Variants in BCAS3 observed in about 807,000 individuals in gnomAD.
BCAS3 encodes BCAS3 microtubule associated cell migration factor.
BCAS3 carries 53 observed loss-of-function variants against 116.1 expected under a neutral mutation model. That is an observed-to-expected ratio of 0.46 (90% CI 0.37 to 0.57). BCAS3 has a LOEUF of 0.57. Among genes scored for constraint, BCAS3 ranks in the 20% least tolerant of loss-of-function variants. BCAS3 has a pLI of 0.00. For synonymous variants in BCAS3, 391 were observed against 408.2 expected (o/e 0.96, Z 0.51); for missense variants, 917 against 1,165.4 (o/e 0.79, Z 3.10).
intron 5 of BCAS3, among the ~76,000 whole-genome samples, chr17:60,718,610 A>C (rs1452671213): frequency 6.6e-6 from 1 of 151,844 alleles, no homozygotes; most frequent in African/African-American, 2.4e-5. Context: ...AATTTTTGTG[A>C]TCTTTTAAAT....
chr17:60,953,303 A>G (rs1453786717), intron 14 of BCAS3, among the ~76,000 whole-genome samples: 1 of 152,174 alleles, frequency 6.6e-6, no homozygotes, highest in Non-Finnish European at 1.5e-5. Context: ...AATAATAGCC[A>G]TTCTGGCTGG....
rs531515803 is a variant in BCAS3 at position 60,735,524 on chromosome 17, G to A, written c.322-11674G>A. Among the ~76,000 whole-genome samples, 3 of 152,150 alleles carry A rather than the reference G, an allele frequency of 2.0e-5. No homozygotes were observed. In the East Asian group the frequency reaches 5.8e-4, roughly 29 times the overall value. ...GCTTGAGTGCAGTGGCACGATCTCA[G>A]CTCACTACAACCCCTGCTTTCTGAG... On this transcript the variant is annotated intron_variant, in intron 5 of 23. Coordinates refer to ENST00000407086, the MANE Select transcript of BCAS3 (RefSeq NM_017679.5).
chr17:61,116,722 T>A (rs1165161693), intron 22 of BCAS3, among the ~76,000 whole-genome samples: 1 of 152,196 alleles, frequency 6.6e-6, no homozygotes, highest in African/African-American at 2.4e-5. Flanking sequence ...ATGGTTTGAT[T>A]TCCCCTTTAT....
At chr17:61,373,601 A>C (rs201665546) in intron 23 of BCAS3, among the ~76,000 whole-genome samples, 100 of 136,332 alleles carry the variant, frequency 7.3e-4, no homozygotes, top group Middle Eastern at 5.6e-3. Flanking sequence ...GCGTGTGCCA[A>C]CATGCCCAGC....
intron 8 of BCAS3, among the ~76,000 whole-genome samples, chr17:60,874,329 C>T (rs1198184783): frequency 1.3e-5 from 2 of 152,172 alleles, no homozygotes; most frequent in African/African-American, 2.4e-5. Flanking sequence ...GCCTTGGCCT[C>T]CAGGAATGTT....
intron 14 of BCAS3, among the ~76,000 whole-genome samples, chr17:60,988,489 G>A (rs954309563): frequency 2.0e-5 from 3 of 151,404 alleles, no homozygotes; most frequent in African/African-American, 7.3e-5. Context: ...TAGATATTTG[G>A]TAAAACATCT....
chr17:60,705,966 C>A (rs1351396546), intron 4 of BCAS3, among the ~76,000 whole-genome samples: 2 of 152,164 alleles, frequency 1.3e-5, no homozygotes, highest in Non-Finnish European at 2.9e-5. Context: ...TCCCTTCCAC[C>A]TCCTCCATCT....
chr17:60,812,958 G>A (rs897721021), intron 7 of BCAS3, among the ~76,000 whole-genome samples: 3 of 151,990 alleles, frequency 2.0e-5, no homozygotes, highest in African/African-American at 7.3e-5. Context: ...ACCCAGGCTG[G>A]TCTTGAACTC....
At chr17:60,691,389 C>T (rs138095945) in intron 4 of BCAS3, among the ~76,000 whole-genome samples, 77 of 152,232 alleles carry the variant, frequency 5.1e-4, no homozygotes, top group Admixed American at 2.9e-3. Flanking sequence ...CACACCCTTT[C>T]CAACACTTGT....
chr17:60,882,010 C>T (rs1375295551), intron 9 of BCAS3, among the ~76,000 whole-genome samples: 64 of 148,932 alleles, frequency 4.3e-4, no homozygotes, highest in Non-Finnish European at 3.5e-4. Flanking sequence ...CCTGAGGAAT[C>T]GCCACACTGA....
chr17:60,865,439 A>G (rs991790740), intron 7 of BCAS3, among the ~76,000 whole-genome samples: 3 of 152,188 alleles, frequency 2.0e-5, no homozygotes, highest in African/African-American at 7.2e-5. Context: ...ACTATTATTT[A>G]TTTAGGTCTT....
chr17:60,922,592 A>G (rs904313568), intron 12 of BCAS3, among the ~76,000 whole-genome samples: 5 of 152,262 alleles, frequency 3.3e-5, no homozygotes, highest in Admixed American at 2.6e-4. Context: ...GAAAAGACTT[A>G]GAAGACATGA....
intron 14 of BCAS3, among the ~76,000 whole-genome samples, chr17:60,955,617 C>G (rs912683451): frequency 3.3e-5 from 5 of 151,982 alleles, no homozygotes; most frequent in Admixed American, 3.3e-4. Flanking sequence ...ATATCCTGAC[C>G]TTGTGATCCG....
At chr17:60,892,854 G>T (rs1441992801) in intron 10 of BCAS3, among the ~76,000 whole-genome samples, 1 of 151,976 alleles carries the variant, frequency 6.6e-6, no homozygotes, top group Non-Finnish European at 1.5e-5. Flanking sequence ...CCCGGGAGGT[G>T]GAGGTTGCGG....
Position 61,179,526 on chromosome 17 carries a change from G to C in BCAS3, c.2425+94962G>C, listed in dbSNP as rs148626533. 3.5e-4 allele frequency among the ~76,000 whole-genome samples: 54 copies of C among 152,222 alleles called. No homozygotes were observed. The East Asian group carries it at 4.3e-3, about 12-fold the overall frequency. On this transcript the variant is annotated intron_variant, in intron 22 of 23. Transcript: ENST00000407086. ...ACCTTTGTGTTTTGTGCCATGAGGT[G>C]GGGGAGGAGTAGTGTTCAGTACTAG...
rs922284544 is a variant in BCAS3 at position 60,739,712 on chromosome 17, C to G, written c.322-7486C>G. 5.9e-5 allele frequency among the ~76,000 whole-genome samples: 9 copies of G among 152,124 alleles called. No individual in the cohort carries two copies. The South Asian group carries it at 1.5e-3, about 25-fold the overall frequency. On this transcript the variant is annotated intron_variant, in intron 5 of 23. Transcript: ENST00000407086. The stretch of plus-strand genomic sequence containing the variant: ...CCTTATGTAAATCTGAGTTTCTGAC[C>G]TATATTGTTACCTTTTTCCCTGTAG...
intron 17 of BCAS3, among the ~76,000 whole-genome samples, chr17:61,036,864 G>A (rs981388347): frequency 7.9e-5 from 12 of 152,166 alleles, no homozygotes; most frequent in African/African-American, 2.9e-4. Context: ...AAGAGGATTT[G>A]GGGGAAGGGG....
At chr17:61,173,487 A>G (rs1160524116) in intron 22 of BCAS3, among the ~76,000 whole-genome samples, 1 of 152,138 alleles carries the variant, frequency 6.6e-6, no homozygotes, top group Non-Finnish European at 1.5e-5. Context: ...ATGAAAATTA[A>G]AACATATCAA....
intron 7 of BCAS3, among the ~76,000 whole-genome samples, chr17:60,809,511 G>T (rs9913310): frequency 0.24 from 35,885 of 152,098 alleles, 7,804 homozygotes; most frequent in African/African-American, 0.58. Context: ...TTGGTTGGTT[G>T]GTTGGTTATA....
Sources: allele counts gnomAD v4.1 joint callset (sites outside exome capture counted in the v4.1 genomes callset), GRCh38; gene constraint gnomAD v4.1.1; transcripts MANE v1.5; gene names NCBI Gene and HGNC (gene_info 2026-07-23, HGNC 2026-07-21).